ATXN7L1: variants seen among roughly 807,000 people sequenced by gnomAD.
The protein encoded by ATXN7L1 is ataxin-7-like protein 1.
A neutral mutation model predicts 70.8 loss-of-function variants in ATXN7L1; 15 were observed. That is an observed-to-expected ratio of 0.21 (90% CI 0.14 to 0.33). ATXN7L1 has a LOEUF of 0.33. Among genes scored for constraint, ATXN7L1 ranks in the 10% least tolerant of loss-of-function variants. The probability of loss-of-function intolerance (pLI) is 1.00; values close to 1 mark genes in which losing one functional copy is unlikely to be tolerated. For synonymous variants in ATXN7L1, 440 were observed against 445.1 expected (o/e 0.99, Z 0.14); for missense variants, 975 against 1,097.1 (o/e 0.89, Z 1.57).
chr7:105,846,923 G>A (rs1396516650), intron 2 of ATXN7L1, among the ~76,000 whole-genome samples: 2 of 152,180 alleles, frequency 1.3e-5, no homozygotes, highest in East Asian at 3.9e-4. Flanking sequence ...CATAGAGACA[G>A]AAAGTTGATT....
rs1792765275 is a variant in ATXN7L1 at position 105,606,348 on chromosome 7, G to A, written c.*1504C>T. On this transcript the variant is annotated 3_prime_UTR_variant, in exon 12 of 12. Transcript: ENST00000419735. ...TCCAATTGTGTGGTGAAACTTAACA[G>A]TAGTCTGATCTTTGGGTTGGGGGAA... 1 of 152,168 alleles carries A rather than the reference G, an allele frequency of 6.6e-6. No homozygotes were observed. The highest frequency in any genetic ancestry group is 2.4e-5 in the African/African-American group (1 of 41,428). 9.4% of individuals were successfully genotyped at this position (152,168 alleles called of 1,614,324 possible). A position where few individuals can be genotyped will look rare whatever the true frequency, so the allele number is the denominator to read the frequency against.
At chr7:105,821,296 C>T (rs1810122044) in intron 2 of ATXN7L1, among the ~76,000 whole-genome samples, 2 of 152,322 alleles carry the variant, frequency 1.3e-5, no homozygotes, top group South Asian at 4.1e-4. Context: ...GCCTCAGCCT[C>T]CCAAAGTGCT....
At chr7:105,625,320 G>C (rs1003083273) in intron 7 of ATXN7L1, among the ~76,000 whole-genome samples, 1 of 151,622 alleles carries the variant, frequency 6.6e-6, no homozygotes, top group Non-Finnish European at 1.5e-5. Flanking sequence ...GTGTGATCTC[G>C]GCTCACTGCA....
intron 3 of ATXN7L1, among the ~76,000 whole-genome samples, chr7:105,706,438 C>T (rs941455598): frequency 3.9e-5 from 6 of 152,048 alleles, no homozygotes; most frequent in African/African-American, 7.2e-5. Context: ...TCAAGTGATC[C>T]GCCTGCCTTG....
chr7:105,742,812 C>T (rs1253056357), intron 3 of ATXN7L1, among the ~76,000 whole-genome samples: 1 of 152,166 alleles, frequency 6.6e-6, no homozygotes, highest in Non-Finnish European at 1.5e-5. Flanking sequence ...CCAGCCATTA[C>T]CCCCACTTCC....
intron 3 of ATXN7L1, among the ~76,000 whole-genome samples, chr7:105,742,263 T>C (rs1563056489): frequency 6.6e-6 from 1 of 152,220 alleles, no homozygotes; most frequent in Non-Finnish European, 1.5e-5. Context: ...GAAATAAAGC[T>C]TGTGATCTAA....
At chr7:105,707,344 G>T (rs888924225) in intron 3 of ATXN7L1, among the ~76,000 whole-genome samples, 1 of 152,276 alleles carries the variant, frequency 6.6e-6, no homozygotes, top group Middle Eastern at 3.4e-3. Flanking sequence ...AGGTGCACTG[G>T]TTCCTTGAAT....
intron 2 of ATXN7L1, among the ~76,000 whole-genome samples, chr7:105,790,656 T>A (rs58170896): frequency 1.3e-4 from 19 of 145,262 alleles, no homozygotes; most frequent in Admixed American, 7.0e-4. Context: ...CTATCTATCA[T>A]CTATCTACTA....
At chr7:105,830,556 A>C (rs1254267533) in intron 2 of ATXN7L1, among the ~76,000 whole-genome samples, 1 of 152,278 alleles carries the variant, frequency 6.6e-6, no homozygotes, top group African/African-American at 2.4e-5. Flanking sequence ...CTGAGTCATC[A>C]AGCAGCCCCA....
intron 3 of ATXN7L1, among the ~76,000 whole-genome samples, chr7:105,736,030 G>T (rs993429962): frequency 3.3e-5 from 5 of 152,158 alleles, no homozygotes; most frequent in Non-Finnish European, 5.9e-5. Flanking sequence ...AGACAGTAAA[G>T]CTAATCATTT....
intron 2 of ATXN7L1, among the ~76,000 whole-genome samples, chr7:105,826,969 GAA>G (rs1460332699): frequency 6.6e-6 from 1 of 152,198 alleles, no homozygotes; most frequent in Non-Finnish European, 1.5e-5. Context: ...ACAAAGGTAT[GAA>G]AAAGACACAA....
At chr7:105,837,546 G>C (rs906891018) in intron 2 of ATXN7L1, among the ~76,000 whole-genome samples, 1 of 152,144 alleles carries the variant, frequency 6.6e-6, no homozygotes, top group Non-Finnish European at 1.5e-5. Context: ...GGGTGCATGG[G>C]ACCATGACAC....
chr7:105,642,358 C>A (rs966627871), intron 5 of ATXN7L1, among the ~76,000 whole-genome samples: 1 of 152,204 alleles, frequency 6.6e-6, no homozygotes, highest in East Asian at 1.9e-4. Flanking sequence ...CCTGGAAACT[C>A]CCGAGGCCAA....
chr7:105,671,436 T>G (rs1030577194), intron 3 of ATXN7L1, among the ~76,000 whole-genome samples: 1 of 152,170 alleles, frequency 6.6e-6, no homozygotes, highest in African/African-American at 2.4e-5. Context: ...GTGCTAATAT[T>G]GAATATAAGC....
chr7:105,769,299 A>C (rs1027643765), intron 3 of ATXN7L1, among the ~76,000 whole-genome samples: 1 of 152,164 alleles, frequency 6.6e-6, no homozygotes, highest in African/African-American at 2.4e-5. Context: ...CATTGCTGAG[A>C]AGTGGCTTCT....
chr7:105,643,533 C>T (rs765085873), intron 4 of ATXN7L1, among the ~76,000 whole-genome samples: 6 of 152,250 alleles, frequency 3.9e-5, no homozygotes, highest in African/African-American at 7.2e-5. Context: ...GCCCCCTCCC[C>T]CCGCTGCTCA....
At chr7:105,610,502 G>GGGGGGC (rs1793049321) in intron 11 of ATXN7L1, 27 bp downstream of exon 11, 16 of 1,525,554 alleles carry the variant, frequency 1.0e-5, no homozygotes, top group Non-Finnish European at 1.3e-5. Flanking sequence ...ATGAATTTTT[G>GGGGGGC]CCCCACCCCC....
chr7:105,813,828 C>T (rs536849006), intron 2 of ATXN7L1, among the ~76,000 whole-genome samples: 4 of 151,940 alleles, frequency 2.6e-5, no homozygotes, highest in Admixed American at 6.5e-5. Flanking sequence ...TTTTTTTCCC[C>T]CAGTATCCTA....
At chr7:105,613,536 T>G in intron 10 of ATXN7L1, 2 of 1,261,850 alleles carry the variant, frequency 1.6e-6, no homozygotes, top group Non-Finnish European at 1.0e-6. Context: ...CTGACCGATG[T>G]GGAGTGGGGA....
Sources: gnomAD v4.1 joint callset for allele counts (sites outside exome capture counted in the v4.1 genomes callset) on GRCh38, gnomAD v4.1.1 for gene constraint, MANE v1.5 for transcripts, NCBI Gene and HGNC (gene_info 2026-07-23, HGNC 2026-07-21) for gene names.